The following RIMS1 variants were observed in gnomAD, a reference collection of about 807,000 sequenced individuals.
The protein encoded by RIMS1 is regulating synaptic membrane exocytosis protein 1.
A neutral mutation model predicts 214.1 loss-of-function variants in RIMS1; 83 were observed. The observed-to-expected ratio is 0.39, with a 90% CI of 0.32 to 0.47. The LOEUF (loss-of-function observed/expected upper bound fraction) is 0.47, where lower values mean the gene tolerates loss of function less well. RIMS1 is among the 20% of genes least tolerant of loss of function. The pLI is 0.99. For synonymous variants in RIMS1, 793 were observed against 786.8 expected, an observed-to-expected ratio of 1.01 and a Z score of -0.13; for missense variants, 2,050 against 2,161.8, an observed-to-expected ratio of 0.95 and a Z score of 1.03.
intron 4 of RIMS1, among the ~76,000 whole-genome samples, chr6:72,177,629 T>A (rs2153965069): frequency 6.6e-6 from 1 of 152,354 alleles, no homozygotes; most frequent in South Asian, 2.1e-4. Flanking sequence ...GTCTTCTTAT[T>A]TGATGTAAAA....
At chr6:72,392,554 C>A in intron 30 of RIMS1, 144 bp from the exon 31 acceptor site, 1 of 694,484 alleles carries the variant, frequency 1.4e-6, no homozygotes, top group South Asian at 1.6e-5. Context: ...GGCTCAAAGG[C>A]AATGCAAAGA....
At chr6:72,004,840 A>G (rs1343759668) in intron 2 of RIMS1, among the ~76,000 whole-genome samples, 1 of 151,484 alleles carries the variant, frequency 6.6e-6, no homozygotes, top group Non-Finnish European at 1.5e-5. Context: ...CTCTGATGGT[A>G]GTTTCTTTTG....
At chr6:72,082,463 C>A (rs764721271) in intron 2 of RIMS1, among the ~76,000 whole-genome samples, 4 of 152,164 alleles carry the variant, frequency 2.6e-5, no homozygotes, top group African/African-American at 4.8e-5. Flanking sequence ...GAGGTGGAGT[C>A]TTTGCATGTT....
rs1254490543 is a variant in RIMS1 at position 72,006,783 on chromosome 6, G to C, written c.245+37720G>C. Among the ~76,000 whole-genome samples the C allele has an allele frequency of 3.9e-5, 6 of 152,344 alleles. No individual in the cohort carries two copies. The South Asian group carries it at 1.2e-3, about 32-fold the overall frequency. On this transcript the variant is annotated intron_variant, in intron 2 of 33. Transcript: ENST00000521978. Reference sequence around the variant, plus strand: ...GCAGCAGTGAGGCTGGGGGAGGGGCGCCTGCCATTGCTGAGGTTTGAGTAG... The same window carrying C: ...GCAGCAGTGAGGCTGGGGGAGGGGCCCCTGCCATTGCTGAGGTTTGAGTAG...
chr6:72,164,970 A>C (rs2046051112), intron 4 of RIMS1, among the ~76,000 whole-genome samples: 1 of 152,162 alleles, frequency 6.6e-6, no homozygotes, highest in Non-Finnish European at 1.5e-5. Flanking sequence ...GGCTTCAATA[A>C]ATGAATCTGG....
intron 29 of RIMS1, among the ~76,000 whole-genome samples, chr6:72,353,281 G>C (rs62407519): frequency 0.19 from 29,189 of 151,994 alleles, 3,487 homozygotes; most frequent in Middle Eastern, 0.27. Context: ...CACCACGTCC[G>C]GCTGAGTTTA....
intron 2 of RIMS1, among the ~76,000 whole-genome samples, chr6:72,018,204 G>T (rs1038802723): frequency 3.9e-5 from 6 of 152,112 alleles, no homozygotes; most frequent in Non-Finnish European, 8.8e-5. Context: ...TAGCAGCCTA[G>T]GTTTTAAGTA....
chr6:72,165,608 T>C (rs1166950414), intron 4 of RIMS1, among the ~76,000 whole-genome samples: 1 of 152,162 alleles, frequency 6.6e-6, no homozygotes, highest in Non-Finnish European at 1.5e-5. Flanking sequence ...TAATTTGAGG[T>C]TTATGTCCTG....
intron 1 of RIMS1, among the ~76,000 whole-genome samples, chr6:71,895,169 G>A (rs1042053492): frequency 6.6e-6 from 1 of 152,156 alleles, no homozygotes. Flanking sequence ...TTTTCTTGCT[G>A]TATTTGCTGG....
chr6:72,004,834 G>T (rs1438658833), intron 2 of RIMS1, among the ~76,000 whole-genome samples: 5 of 151,574 alleles, frequency 3.3e-5, no homozygotes, highest in Non-Finnish European at 7.4e-5. Flanking sequence ...TGTTCACTCT[G>T]ATGGTAGTTT....
intron 22 of RIMS1, among the ~76,000 whole-genome samples, chr6:72,271,280 AAAAAAAATATATATAT>A (rs1221971852): frequency 5.0e-5 from 3 of 60,418 alleles, no homozygotes; most frequent in South Asian, 6.6e-4. Context: ...AAAAAAAAAA[AAAAAAAATATATATAT>A]ATATATATAT....
At chr6:72,217,295 T>A in intron 6 of RIMS1, 2 of 1,434,778 alleles carry the variant, frequency 1.4e-6, no homozygotes, top group Non-Finnish European at 1.9e-6. Flanking sequence ...ATGTAATTTA[T>A]TGTTTAATTA....
chr6:72,341,496 T>C (rs1225543458), intron 29 of RIMS1, among the ~76,000 whole-genome samples: 1 of 151,776 alleles, frequency 6.6e-6, no homozygotes, highest in African/African-American at 2.4e-5. Context: ...GAAGAAGACA[T>C]CTATAAATGT....
chr6:72,127,582 C>T (rs542575776), intron 4 of RIMS1, among the ~76,000 whole-genome samples: 1 of 152,006 alleles, frequency 6.6e-6, no homozygotes, highest in African/African-American at 2.4e-5. Flanking sequence ...TTATAAAGGC[C>T]CCTCCAGTCA....
intron 2 of RIMS1, among the ~76,000 whole-genome samples, chr6:72,036,485 T>C (rs1819651575): frequency 6.6e-6 from 1 of 152,180 alleles, no homozygotes; most frequent in Non-Finnish European, 1.5e-5. Flanking sequence ...GTACAGTTCC[T>C]GTACCCAAAG....
In RIMS1 at chr6:72,074,570, T is replaced by G. The variant is rs188270903; in HGVS notation, c.246-22379T>G. Among the ~76,000 whole-genome samples, 373 of 152,192 alleles carry G rather than the reference T, an allele frequency of 2.5e-3. 1 individual carries two copies. Among genetic ancestry groups the G allele is most frequent in the African/African-American group, 7.7e-3 (321 of 41,512 alleles). On this transcript the variant is annotated intron_variant, in intron 2 of 33. Coordinates refer to ENST00000521978, the MANE Select transcript of RIMS1 (RefSeq NM_014989.7). The stretch of plus-strand genomic sequence containing the variant: ...GTCCCACCTACTCAGGAGGCTGAGG[T>G]GGTAGAATTACCTGAGCCTGGGAAG...
In RIMS1 at chr6:72,151,123, C is replaced by T. The variant is rs183055893; in HGVS notation, c.472-28452C>T. On this transcript the variant is annotated intron_variant, in intron 4 of 33. Transcript: ENST00000521978. ...AGTGGCGCAATCTCGGCTCACTGCA[C>T]GCTCCGCCTCCCAGGTTCACACCAT... is the stretch of plus-strand genomic sequence containing the variant. Among the ~76,000 whole-genome samples, 127 of 152,140 alleles carry T rather than the reference C, an allele frequency of 8.3e-4. 1 individual carries two copies. Among genetic ancestry groups the T allele is most frequent in the Non-Finnish European group, 1.2e-3 (81 of 67,970 alleles).
At chr6:72,261,917 G>A in intron 19 of RIMS1, 1 of 984,774 alleles carries the variant, frequency 1.0e-6, no homozygotes. Flanking sequence ...CCTACTGAAG[G>A]TCAAAGCATG....
chr6:72,044,322 A>T (rs567836641), intron 2 of RIMS1, among the ~76,000 whole-genome samples: 36 of 151,984 alleles, frequency 2.4e-4, no homozygotes, highest in African/African-American at 8.2e-4. Flanking sequence ...TTGTCTTTTA[A>T]TTGGGTGAAC....
Sources: gnomAD v4.1 joint callset for allele counts (sites outside exome capture counted in the v4.1 genomes callset) on GRCh38, gnomAD v4.1.1 for gene constraint, MANE v1.5 for transcripts, NCBI Gene and HGNC (gene_info 2026-07-23, HGNC 2026-07-21) for gene names.